Variants in MMS19 observed in about 807,000 individuals in gnomAD.
MMS19 encodes the protein MMS19 cytosolic iron-sulfur assembly component.
MMS19 carries 77 observed loss-of-function variants against 129.8 expected under a neutral mutation model. The observed-to-expected ratio is 0.59, with a 90% confidence interval of 0.49 to 0.72. The LOEUF (loss-of-function observed/expected upper bound fraction) is 0.72, where lower values mean the gene tolerates loss of function less well. Ranked by LOEUF, MMS19 falls within the 30% of genes least tolerant of loss-of-function variation. The pLI, the probability that MMS19 is intolerant of heterozygous loss-of-function variation, is 0.00. For missense variants in MMS19, 1,168 were observed against 1,266.3 expected, an observed-to-expected ratio of 0.92 and a Z score of 1.18; for synonymous variants, 491 against 502.8, an observed-to-expected ratio of 0.98 and a Z score of 0.31.
chr10:97,469,091 G>A lies in MMS19; in HGVS notation c.938C>T (p.Ala313Val). 6.3e-7 allele frequency: 1 copy of A among 1,578,570 alleles called. No individual in the cohort carries two copies. The highest frequency in any genetic ancestry group is 8.6e-7 in the Non-Finnish European group (1 of 1,165,262). The change falls in exon 12 of 31, where the codon GCA becomes GTA. Residue 313 changes from alanine to valine, a missense_variant. Physicochemically the swap from Ala to Val is moderately conservative, Grantham distance 64 (BLOSUM62 0). This residue lies in a region of MMS19 where 831 missense variants were observed against 910.8 expected (regional missense o/e 0.91). Transcript: ENST00000438925. ...ASIRREVFQTASERVEAEGLA... is the reference protein window; with the variant it reads ...ASIRREVFQTVSERVEAEGLA... ...GCCCTCTGCCTCCACCCGCTCACTT[G>A]CCGTCTGGAACACCTGTCAGGGAGG...
chr10:97,475,919 C>A (rs2035675500), intron 8 of MMS19, among the ~76,000 whole-genome samples: 1 of 152,014 alleles, frequency 6.6e-6, no homozygotes, highest in South Asian at 2.1e-4. Flanking sequence ...ACAGGTGGTC[C>A]CCAGTAACAT....
At position 97,463,878 on chromosome 10, in the gene MMS19, G is replaced by C. The variant is rs2032725153; in HGVS notation, c.1892C>G (p.Ala631Gly). The C allele has an allele frequency of 3.0e-5, 48 of 1,611,606 alleles. No individual in the cohort carries two copies. The highest frequency in any genetic ancestry group is 4.0e-5 in the Non-Finnish European group (47 of 1,178,990). ...GTTACCTGGCATAGAGGCCTGCACAGCCAAGGCAAGCAGGCAAGGTATAGC... is the reference window on the plus strand; with the variant it reads ...GTTACCTGGCATAGAGGCCTGCACACCCAAGGCAAGCAGGCAAGGTATAGC... ...QTAIPCLLAL[A>G]VQASMPEKEP... is the part of the protein sequence containing the mutation. The change falls in exon 19 of 31, where the codon GCT (alanine) becomes GGT (glycine). Residue 631 changes from alanine to glycine, a missense_variant. Around this residue, in one of 3 missense-constraint regions of MMS19, gnomAD observed 831 missense variants for 910.8 expected, o/e 0.91. Transcript: ENST00000438925.
intron 15 of MMS19, 52 bp from the exon 16 acceptor site, chr10:97,466,637 C>A: frequency 6.3e-7 from 1 of 1,579,754 alleles, no homozygotes; most frequent in East Asian, 2.2e-5. Context: ...GCAGCCATCA[C>A]AACCCTTCTA....
rs1026078194 is a variant in MMS19, at chr10:97,458,416, G to A, written c.*276C>T. On this transcript the variant is annotated 3_prime_UTR_variant, in exon 31 of 31. Coordinates refer to ENST00000438925, the MANE Select transcript of MMS19 (RefSeq NM_022362.5). ...ACTCATATGCACTCACCCCTCAGCA[G>A]CATATCGCCCCTTTTCTGACATATA... 3 of 460,878 alleles carry A rather than the reference G, an allele frequency of 6.5e-6. No homozygotes were observed. The Admixed American group carries it at 1.1e-4, about 17-fold the overall frequency. The allele number at this position is 460,878 out of a possible 1,614,324, so 28.5% of individuals were successfully genotyped here.
intron 11 of MMS19, 70 bp from the exon 12 acceptor site, chr10:97,469,174 T>C (rs2135310908): frequency 6.7e-7 from 1 of 1,503,032 alleles, no homozygotes; most frequent in Admixed American, 2.3e-5. Context: ...ATCCACTGCC[T>C]ATTTCCTTGT....
intron 29 of MMS19, 139 bp from the exon 30 acceptor site, chr10:97,459,039 C>A: frequency 1.0e-6 from 1 of 983,246 alleles, no homozygotes; most frequent in Non-Finnish European, 1.5e-6. Flanking sequence ...GGCAGGATGG[C>A]CTTTCTGTTA....
intron 2 of MMS19, among the ~76,000 whole-genome samples, chr10:97,481,448 A>G (rs1488152071): frequency 6.6e-6 from 1 of 152,212 alleles, no homozygotes; most frequent in Admixed American, 6.5e-5. Context: ...GCTTCCACCA[A>G]AACAAGGAGA....
intron 26 of MMS19, 55 bp from the exon 27 acceptor site, chr10:97,459,796 G>T: frequency 5.1e-6 from 7 of 1,379,378 alleles, no homozygotes; most frequent in East Asian, 2.4e-5. Context: ...TATAGCTTGA[G>T]AAATCAATTC....
At chr10:97,498,636 C>T (rs767304553), upstream of MMS19, 6 of 502,080 alleles carry the variant, frequency 1.2e-5, no homozygotes, top group African/African-American at 4.1e-5. Flanking sequence ...CAGCCCGGCT[C>T]CCCGGGAGAC....
At chr10:97,465,996 A>G (rs1467782169) in intron 17 of MMS19, 42 bp from the exon 18 acceptor site, 2 of 1,612,536 alleles carry the variant, frequency 1.2e-6, no homozygotes, top group East Asian at 2.2e-5. Flanking sequence ...GTGTGATAGG[A>G]AGCACGAAGG....
intron 1 of MMS19, among the ~76,000 whole-genome samples, chr10:97,489,064 C>T (rs1490063462): frequency 6.6e-6 from 1 of 152,066 alleles, no homozygotes; most frequent in Non-Finnish European, 1.5e-5. Flanking sequence ...TGGTCTCGAA[C>T]TCCTGAGCTC....
rs2030517806 is a variant in MMS19 at position 97,458,558 on chromosome 10, G to A, written c.*134C>T. Reference sequence around the variant, plus strand: ...ATGTTCTTTGTACAGCCATGCAACAGAGGCCTAGCATTTGTGCTGTGTCTG... The same window carrying A: ...ATGTTCTTTGTACAGCCATGCAACAAAGGCCTAGCATTTGTGCTGTGTCTG... On this transcript the variant is annotated 3_prime_UTR_variant, in exon 31 of 31. Coordinates refer to ENST00000438925, the MANE Select transcript of MMS19 (RefSeq NM_022362.5). 3 of 803,726 alleles carry A rather than the reference G, an allele frequency of 3.7e-6. No homozygotes were observed. The East Asian group carries it at 8.1e-5, about 22-fold the overall frequency. 49.8% of individuals were successfully genotyped at this position (803,726 alleles called of 1,614,324 possible).
At chr10:97,480,034 C>A (rs1474209333) in intron 3 of MMS19, among the ~76,000 whole-genome samples, 1 of 152,178 alleles carries the variant, frequency 6.6e-6, no homozygotes, top group Non-Finnish European at 1.5e-5. Context: ...GGCGTTCCTG[C>A]CCTTTCCCCA....
At position 97,460,128 on chromosome 10, in the gene MMS19, G is replaced by A. The variant is rs2152092; in HGVS notation, c.2574C>T (p.Ala858=). The change falls in exon 26 of 31, where the codon GCC becomes GCT. Residue 858 remains alanine (A), a synonymous_variant. Coordinates refer to ENST00000438925, the MANE Select transcript of MMS19 (RefSeq NM_022362.5). ...CTDVLTRAGH[A]EVRIMFRQRF... ...GCTGGCGGAACATGATCCGCACTTC[G>A]GCATGGCCAGCACGAGTCAGCACAT... is the stretch of plus-strand genomic sequence containing the variant. The A allele has an allele frequency of 0.54, 872,562 of 1,613,582 alleles. 237,070 individuals are homozygous for A. Among genetic ancestry groups the A allele is most frequent in the South Asian group, 0.58 (53,233 of 91,074 alleles).
intron 7 of MMS19, 45 bp from the exon 8 acceptor site, chr10:97,476,789 C>G (rs781748433): frequency 1.2e-6 from 2 of 1,613,710 alleles, no homozygotes; most frequent in African/African-American, 1.3e-5. Flanking sequence ...CAGCTTCACT[C>G]ATCTGATAAA....
intron 1 of MMS19, among the ~76,000 whole-genome samples, chr10:97,493,493 C>T (rs1451195753): frequency 6.6e-6 from 1 of 152,094 alleles, no homozygotes; most frequent in African/African-American, 2.4e-5. Context: ...ATCACTTGAG[C>T]CCAGAAGTTC....
intron 1 of MMS19, among the ~76,000 whole-genome samples, chr10:97,486,583 T>C (rs965541728): frequency 6.6e-6 from 1 of 152,108 alleles, no homozygotes; most frequent in African/African-American, 2.4e-5. Flanking sequence ...ATGATCTCAC[T>C]TATATGGAGA....
At chr10:97,484,381 G>A (rs1325859831) in intron 1 of MMS19, among the ~76,000 whole-genome samples, 1 of 151,976 alleles carries the variant, frequency 6.6e-6, no homozygotes, top group South Asian at 2.1e-4. Flanking sequence ...AATGACATGA[G>A]CGTATATCCT....
rs770785071 is a variant in MMS19, at chr10:97,469,607, G to A, written c.924+39C>T. ...TTATTTCCCCTCATGCCTGACAATT[G>A]AAAGTTAACAGTAGTGAGTTTATCT... On this transcript the variant is annotated intron_variant, in intron 11 of 30. Transcript: ENST00000438925. 42 of 1,527,912 alleles carry A rather than the reference G, an allele frequency of 2.7e-5. No individual in the cohort carries two copies. In the East Asian group the frequency reaches 8.6e-4, roughly 31 times the overall value. 94.6% of individuals were successfully genotyped at this position (1,527,912 alleles called of 1,614,324 possible). A position where few individuals can be genotyped will look rare whatever the true frequency, so the allele number is the denominator to read the frequency against.
Sources: allele counts gnomAD v4.1 joint callset (sites outside exome capture counted in the v4.1 genomes callset), GRCh38; gene constraint gnomAD v4.1.1; regional missense constraint gnomAD v4.1.1; transcripts MANE v1.5; gene names NCBI Gene and HGNC (gene_info 2026-07-23, HGNC 2026-07-21).